The following CTNNA2 variants were observed in gnomAD, a reference collection of about 807,000 sequenced individuals.
CTNNA2 encodes the protein catenin alpha-2.
A neutral mutation model predicts 101.0 loss-of-function variants in CTNNA2; 42 were observed. The ratio of observed to expected loss-of-function variants is 0.42; its 90% CI spans 0.32 to 0.54. CTNNA2 has a LOEUF of 0.54. Ranked by LOEUF, CTNNA2 falls within the 20% of genes least tolerant of loss-of-function variation. The pLI is 0.14. For synonymous variants in CTNNA2, 450 were observed against 456.4 expected (o/e 0.99, Z 0.18); for missense variants, 871 against 1,223.1 (o/e 0.71, Z 4.29).
At chr2:80,416,628 A>G (rs1307820157) in intron 8 of CTNNA2, among the ~76,000 whole-genome samples, 1 of 152,088 alleles carries the variant, frequency 6.6e-6, no homozygotes, top group Non-Finnish European at 1.5e-5. Flanking sequence ...GGTGTTTTCT[A>G]TTCCCTTTCT....
intron 1 of CTNNA2, among the ~76,000 whole-genome samples, chr2:79,618,218 T>A (rs17017348): frequency 0.15 from 22,081 of 152,244 alleles, 2,533 homozygotes; most frequent in African/African-American, 0.33. Flanking sequence ...TCCTTATTTT[T>A]AAATGTTTTT....
intron 3 of CTNNA2, among the ~76,000 whole-genome samples, chr2:79,747,012 T>G (rs1671696230): frequency 6.6e-6 from 1 of 152,186 alleles, no homozygotes; most frequent in South Asian, 2.1e-4. Context: ...TACCACTGTA[T>G]CAATTCACAG....
chr2:79,551,431 A>G (rs1372807089), intron 1 of CTNNA2, among the ~76,000 whole-genome samples: 2 of 152,160 alleles, frequency 1.3e-5, no homozygotes, highest in Non-Finnish European at 2.9e-5. Flanking sequence ...TTACATTTTT[A>G]CATAAGATAA....
chr2:79,199,224 A>T (rs1674001372), intron 2 of CTNNA2, among the ~76,000 whole-genome samples: 1 of 152,188 alleles, frequency 6.6e-6, no homozygotes, highest in Non-Finnish European at 1.5e-5. Context: ...TGTGTGGCAG[A>T]CATTGTTAAC....
intron 4 of CTNNA2, among the ~76,000 whole-genome samples, chr2:79,858,924 A>T (rs182283587): frequency 2.6e-5 from 4 of 151,530 alleles, no homozygotes; most frequent in African/African-American, 9.7e-5. Context: ...CCAGTCCTTG[A>T]CTACGGGTCG....
At chr2:80,102,600 C>A (rs1474330163) in intron 7 of CTNNA2, among the ~76,000 whole-genome samples, 2 of 152,148 alleles carry the variant, frequency 1.3e-5, no homozygotes, top group Non-Finnish European at 2.9e-5. Context: ...GCAACCTCTG[C>A]CTCCTGGGTT....
chr2:79,255,284 T>C (rs1193783771), intron 2 of CTNNA2, among the ~76,000 whole-genome samples: 1 of 152,222 alleles, frequency 6.6e-6, no homozygotes, highest in African/African-American at 2.4e-5. Context: ...TTCTTGTTTA[T>C]GACTTTGCTA....
intron 1 of CTNNA2, among the ~76,000 whole-genome samples, chr2:79,593,914 G>A (rs1428091851): frequency 1.3e-5 from 1 of 79,260 alleles, no homozygotes; most frequent in Admixed American, 1.2e-4. Context: ...TTGAGATGGA[G>A]TCTTGCTCTT....
intron 7 of CTNNA2, among the ~76,000 whole-genome samples, chr2:80,318,870 A>C (rs1678396978): frequency 6.6e-6 from 1 of 152,174 alleles, no homozygotes. Flanking sequence ...TCTCTATTTC[A>C]GCCTTCTTAG....
rs1558639195 is a variant in CTNNA2, at chr2:79,916,594, CGG to C, written c.1056+6798_1056+6799del. Among the ~76,000 whole-genome samples the C allele has an allele frequency of 3.8e-5, 2 of 52,336 alleles. 1 individual carries two copies. The highest frequency in any genetic ancestry group is 1.7e-4 in the African/African-American group (2 of 11,980). The allele number at this position is 52,336 out of a possible 152,430, so 34.3% of individuals were successfully genotyped here. A position where few individuals can be genotyped will look rare whatever the true frequency, so the allele number is the denominator to read the frequency against. On this transcript the variant is annotated intron_variant, in intron 7 of 18. Transcript: ENST00000402739. ...CCCTTCTCCTTTTTTTTTTTTTTGA[CGG>C]AGGAGTCTCGCTGTATCACCCATGC...
intron 2 of CTNNA2, among the ~76,000 whole-genome samples, chr2:79,669,137 A>G (rs1682648580): frequency 6.6e-6 from 1 of 152,194 alleles, no homozygotes; most frequent in Non-Finnish European, 1.5e-5. Context: ...AACTTTTCTT[A>G]GATATGCCCC....
chr2:80,607,527 G>A (rs1477989907), intron 16 of CTNNA2, among the ~76,000 whole-genome samples: 1 of 151,872 alleles, frequency 6.6e-6, no homozygotes, highest in Non-Finnish European at 1.5e-5. Context: ...AAAGGACTCT[G>A]TTGCTACTCT....
At chr2:79,574,935 T>G (rs1482318464) in intron 1 of CTNNA2, among the ~76,000 whole-genome samples, 3 of 152,200 alleles carry the variant, frequency 2.0e-5, no homozygotes, top group African/African-American at 7.2e-5. Flanking sequence ...TATCTTGCTG[T>G]AGTTCTGATT....
intron 7 of CTNNA2, among the ~76,000 whole-genome samples, chr2:79,951,182 C>CCATT (rs1445164521): frequency 3.0e-4 from 46 of 152,228 alleles, no homozygotes; most frequent in African/African-American, 1.1e-3. Context: ...AGTCTATTAT[C>CCATT]CATTCTCCTG....
At chr2:79,618,503 T>C (rs1032739609) in intron 1 of CTNNA2, among the ~76,000 whole-genome samples, 1 of 152,174 alleles carries the variant, frequency 6.6e-6, no homozygotes, top group Non-Finnish European at 1.5e-5. Context: ...GAAAAAAATA[T>C]AAAATGCCCA....
chr2:80,044,495 TA>T (rs1696386029), intron 7 of CTNNA2, among the ~76,000 whole-genome samples: 1 of 152,150 alleles, frequency 6.6e-6, no homozygotes, highest in African/African-American at 2.4e-5. Flanking sequence ...ATACAGATGT[TA>T]AAAACCTCTA....
At chr2:80,554,978 GCTTGATTTCTA>G (rs1316229482) in intron 11 of CTNNA2, among the ~76,000 whole-genome samples, 1 of 152,090 alleles carries the variant, frequency 6.6e-6, no homozygotes, top group East Asian at 1.9e-4. Context: ...CTCTATGCCT[GCTTGATTTCTA>G]CTTTGGGCAA....
intron 4 of CTNNA2, among the ~76,000 whole-genome samples, chr2:79,424,531 C>G (rs1678573126): frequency 6.6e-6 from 1 of 152,084 alleles, no homozygotes; most frequent in East Asian, 1.9e-4. Context: ...ATAACAAAAG[C>G]TACCTTATAC....
At chr2:80,339,173 A>G (rs1672008513) in intron 7 of CTNNA2, among the ~76,000 whole-genome samples, 1 of 151,438 alleles carries the variant, frequency 6.6e-6, no homozygotes, top group Non-Finnish European at 1.5e-5. Context: ...TAATAATATA[A>G]CGTGTGTGTG....
Sources: allele counts gnomAD v4.1 joint callset (sites outside exome capture counted in the v4.1 genomes callset), GRCh38; gene constraint gnomAD v4.1.1; transcripts MANE v1.5; gene names NCBI Gene and HGNC (gene_info 2026-07-23, HGNC 2026-07-21).